The following PCNT variants were observed in gnomAD, a reference collection of about 807,000 sequenced individuals.
PCNT encodes the protein pericentrin.
In PCNT, 319 loss-of-function variants were observed where a neutral mutation model predicts 380.4. The observed-to-expected ratio is 0.84, with a 90% CI of 0.77 to 0.92. The LOEUF is 0.92. Ranked by LOEUF, PCNT falls within the 40% of genes least tolerant of loss-of-function variation. The probability of loss-of-function intolerance (pLI) is 0.00; values close to 1 mark genes in which losing one functional copy is unlikely to be tolerated. For missense variants in PCNT, 4,400 were observed against 4,255.3 expected, an observed-to-expected ratio of 1.03 and a Z score of -0.95; for synonymous variants, 1,845 against 1,735.2, an observed-to-expected ratio of 1.06 and a Z score of -1.57.
At chr21:46,333,554 C>T (rs1210355386) in intron 2 of PCNT, among the ~76,000 whole-genome samples, 5 of 151,550 alleles carry the variant, frequency 3.3e-5, no homozygotes, top group South Asian at 4.2e-4. Flanking sequence ...TGCAGTGAGC[C>T]GAGGTCATGC....
chr21:46,347,128 CCTGGTGT>C, intron 5 of PCNT, 130 bp downstream of exon 5: 1 of 1,191,158 alleles, frequency 8.4e-7, no homozygotes, highest in Non-Finnish European at 1.2e-6. Context: ...CAGCACCTTG[CCTGGTGT>C]CTGGCACCAT....
At chr21:46,349,339 G>A (rs1046035088) in intron 7 of PCNT, among the ~76,000 whole-genome samples, 153 bp downstream of exon 7, 4 of 152,216 alleles carry the variant, frequency 2.6e-5, no homozygotes, top group Non-Finnish European at 4.4e-5. Flanking sequence ...GCTGGTGGCC[G>A]TCATGGGTCA....
chr21:46,383,336 A>G (rs1014487294), intron 16 of PCNT, among the ~76,000 whole-genome samples: 5 of 131,334 alleles, frequency 3.8e-5, no homozygotes, highest in Non-Finnish European at 7.9e-5. Flanking sequence ...GCAGAAGCAC[A>G]TTCACGGTGT....
chr21:46,432,713 C>G (rs1306514040), intron 38 of PCNT, among the ~76,000 whole-genome samples: 4 of 151,854 alleles, frequency 2.6e-5, no homozygotes, highest in Admixed American at 2.6e-4. Flanking sequence ...CAGTCGCCGC[C>G]TCCTGGGTTC....
rs187264717 is a variant in PCNT at position 46,415,444 on chromosome 21, C to T, written c.6151-625C>T. 5.3e-3 allele frequency among the ~76,000 whole-genome samples: 637 copies of T among 119,160 alleles called. 11 individuals are homozygous for T. The highest frequency in any genetic ancestry group is 3.7e-3 in the Admixed American group (30 of 8,024). The allele number at this position is 119,160 out of a possible 152,430, so 78.2% of individuals were successfully genotyped here. A position where few individuals can be genotyped will look rare whatever the true frequency, so the allele number is the denominator to read the frequency against. ...CCAGGCTGGAGTGCAGTGGCGAGAT[C>T]TTGAGATCTTGGCTCACTGCAACCT... On this transcript the variant is annotated intron_variant, in intron 29 of 46. Transcript: ENST00000359568.
rs1440706759 is a variant in PCNT, at chr21:46,359,365, C to T, written c.2154+2174C>T. On this transcript the variant is annotated intron_variant, in intron 13 of 46. Coordinates refer to ENST00000359568, the MANE Select transcript of PCNT (RefSeq NM_006031.6). The stretch of plus-strand genomic sequence containing the variant: ...GATTTCTCTCTTGTTAATTTTAATT[C>T]TTGTTTTGAGTATGTGGAAGCTCTG... Among the ~76,000 whole-genome samples the T allele has an allele frequency of 3.5e-5, 5 of 144,042 alleles. 2 individuals are homozygous for T. Among genetic ancestry groups the T allele is most frequent in the African/African-American group, 1.3e-4 (5 of 39,050 alleles). The allele number at this position is 144,042 out of a possible 152,430, so 94.5% of individuals were successfully genotyped here. A position where few individuals can be genotyped will look rare whatever the true frequency, so the allele number is the denominator to read the frequency against.
chr21:46,353,563 G>T (rs1179715633), intron 10 of PCNT, among the ~76,000 whole-genome samples: 1 of 151,696 alleles, frequency 6.6e-6, no homozygotes, highest in African/African-American at 2.4e-5. Context: ...GCACATGTTG[G>T]TGGTGGACAC....
chr21:46,415,160 C>A (rs554746527), intron 29 of PCNT, among the ~76,000 whole-genome samples: 17 of 152,330 alleles, frequency 1.1e-4, no homozygotes, highest in African/African-American at 4.1e-4. Context: ...ACTGCGTGCA[C>A]CTCATTGGCG....
intron 3 of PCNT, among the ~76,000 whole-genome samples, chr21:46,342,877 C>T (rs1302312429): frequency 6.6e-6 from 1 of 152,110 alleles, no homozygotes; most frequent in Non-Finnish European, 1.5e-5. Flanking sequence ...AGAGATTTTT[C>T]GCCTCCTTGG....
At chr21:46,371,173 A>G (rs1404323998) in intron 15 of PCNT, among the ~76,000 whole-genome samples, 2 of 151,752 alleles carry the variant, frequency 1.3e-5, no homozygotes, top group African/African-American at 4.8e-5. Context: ...CAGGAAAAAA[A>G]GAAAGAAATC....
intron 35 of PCNT, among the ~76,000 whole-genome samples, chr21:46,429,091 C>T (rs910584535): frequency 6.6e-5 from 10 of 152,234 alleles, no homozygotes; most frequent in Non-Finnish European, 1.3e-4. Context: ...GTCAGGCGCC[C>T]TTGGTCAGCT....
In PCNT at chr21:46,355,188, C is replaced by T. The variant is rs138034778; in HGVS notation, c.1762-264C>T. Among the ~76,000 whole-genome samples the T allele has an allele frequency of 2.4e-3, 370 of 152,310 alleles. 1 individual carries two copies. The highest frequency in any genetic ancestry group is 3.6e-3 in the Non-Finnish European group (248 of 68,030). On this transcript the variant is annotated intron_variant, in intron 11 of 46. Transcript: ENST00000359568. ...GAGGTCTGCCCGGTCCAGGGCCCTG[C>T]CGCCCTGAGGAGCACCAGTCCCTGT...
At chr21:46,436,605 C>T (rs548522938) in intron 39 of PCNT, among the ~76,000 whole-genome samples, 271 of 152,180 alleles carry the variant, frequency 1.8e-3, no homozygotes, top group Non-Finnish European at 3.2e-3. Flanking sequence ...CACAGAAACT[C>T]GGCAAACACA....
rs369120182 is a variant in PCNT at position 46,390,655 on chromosome 21, A to G, written c.3841-15A>G. ...TTTTGATCTGGAGTTTTGATTTGCAAATGTGTTTTAACAGCTGGAAGAAGC... is the reference window on the plus strand; with the variant it reads ...TTTTGATCTGGAGTTTTGATTTGCAGATGTGTTTTAACAGCTGGAAGAAGC... On this transcript the variant is annotated splice_polypyrimidine_tract_variant and intron_variant, in intron 19 of 46. Transcript: ENST00000359568. The G allele has an allele frequency of 9.9e-6, 16 of 1,613,780 alleles. No individual in the cohort carries two copies. The highest frequency in any genetic ancestry group is 2.2e-5 in the East Asian group (1 of 44,878).
intron 37 of PCNT, 105 bp from the exon 38 acceptor site, chr21:46,431,424 G>A: frequency 1.9e-6 from 3 of 1,590,842 alleles, no homozygotes; most frequent in Non-Finnish European, 2.6e-6. Context: ...ATTTCAAAAG[G>A]TAGAATTGCT....
At chr21:46,375,228 C>CCCGG (rs1331134914) in intron 15 of PCNT, among the ~76,000 whole-genome samples, 1 of 152,174 alleles carries the variant, frequency 6.6e-6, no homozygotes, top group African/African-American at 2.4e-5. Context: ...TCGCATGCGG[C>CCCGG]CGGTGTGGGA....
chr21:46,336,959 T>TA (rs949860362), intron 3 of PCNT, among the ~76,000 whole-genome samples: 20 of 147,972 alleles, frequency 1.4e-4, no homozygotes, highest in South Asian at 6.5e-4. Context: ...TTATTTACTT[T>TA]AAAAAAAAAA....
At chr21:46,435,867 G>C in intron 38 of PCNT, 37 bp from the exon 39 acceptor site, 2 of 1,613,464 alleles carry the variant, frequency 1.2e-6, no homozygotes, top group South Asian at 1.1e-5. Flanking sequence ...GGACACTGAC[G>C]TGAACGTCTT....
rs780940995 is a variant in PCNT at position 46,412,852 on chromosome 21, G to T, written c.6010G>T (p.Val2004Phe). The change falls in exon 29 of 47, where the codon GTC becomes TTC. Residue 2004 changes from valine to phenylalanine, a missense_variant. Physicochemically the swap from Val to Phe is conservative, Grantham distance 50 (BLOSUM62 -1). Transcript: ENST00000359568. ...CTCTGTCAAGGGTGATCTGCAGCCT[G>T]TCCTGGTGACGTTGAAGGATGCACC... ...VPDPQGDLQP[V>F]LVTLKDAPLC... 6.2e-7 allele frequency: 1 copy of T among 1,612,148 alleles called. No homozygotes were observed. The highest frequency in any genetic ancestry group is 1.7e-5 in the Admixed American group (1 of 60,032).
Sources: allele counts gnomAD v4.1 joint callset (sites outside exome capture counted in the v4.1 genomes callset), GRCh38; gene constraint gnomAD v4.1.1; transcripts MANE v1.5; gene names NCBI Gene and HGNC (gene_info 2026-07-23, HGNC 2026-07-21).